PPP2R2C: variants seen among roughly 807,000 people sequenced by gnomAD.
PPP2R2C encodes the protein protein phosphatase 2, regulatory subunit B, gamma.
In PPP2R2C, 10 loss-of-function variants were observed where a neutral mutation model predicts 45.3. That is an observed-to-expected ratio of 0.22 (90% CI 0.14 to 0.37). The LOEUF is 0.37. Ranked by LOEUF, PPP2R2C falls within the 10% of genes least tolerant of loss-of-function variation. PPP2R2C has a pLI of 1.00. For synonymous variants in PPP2R2C, 257 were observed against 245.4 expected (o/e 1.05, Z -0.44); for missense variants, 308 against 619.7 (o/e 0.50, Z 5.34).
chr4:6,458,471 A>C (rs977426004), intron 1 of PPP2R2C, among the ~76,000 whole-genome samples: 14 of 152,164 alleles, frequency 9.2e-5, no homozygotes, highest in African/African-American at 3.4e-4. Flanking sequence ...TTATAAGGGC[A>C]CTAATCCCAC....
At chr4:6,418,631 C>T (rs1351571734) in intron 1 of PPP2R2C, among the ~76,000 whole-genome samples, 2 of 152,232 alleles carry the variant, frequency 1.3e-5, no homozygotes, top group Non-Finnish European at 2.9e-5. Flanking sequence ...CTTCCCAAGC[C>T]ATCAGTCCCT....
intron 1 of PPP2R2C, chr4:6,383,650 A>C (rs1169829973): frequency 2.0e-6 from 1 of 511,196 alleles, no homozygotes; most frequent in Non-Finnish European, 3.0e-6. Context: ...CAGCACCCTC[A>C]TACAGGACAC....
Position 6,328,379 on chromosome 4 carries a change from A to G in PPP2R2C, c.1052+883T>C, listed in dbSNP as rs1732124277. Among the ~76,000 whole-genome samples, 1 of 152,202 alleles carries G rather than the reference A, an allele frequency of 6.6e-6. No homozygotes were observed. The highest frequency in any genetic ancestry group is 6.5e-5 in the Admixed American group (1 of 15,280). Reference sequence around the variant, plus strand: ...ATCCTGTCCTTGAGGAAGCAGCTGTAGGAGACACTGAGAGGCCACCTCTCA... The same window carrying G: ...ATCCTGTCCTTGAGGAAGCAGCTGTGGGAGACACTGAGAGGCCACCTCTCA... On this transcript the variant is annotated intron_variant, in intron 8 of 8. Transcript: ENST00000382599. This position sits in a 1 kb window ranked among gnomAD's most constrained non-coding sequence, Gnocchi z 4.4.
At chr4:6,361,194 G>C (rs1209370217) in intron 5 of PPP2R2C, among the ~76,000 whole-genome samples, 2 of 152,138 alleles carry the variant, frequency 1.3e-5, no homozygotes, top group Non-Finnish European at 2.9e-5. Context: ...TCAGGGAGCA[G>C]AACCCAGCTT....
In PPP2R2C at chr4:6,414,070, CTGTGTATGTGTGTG is replaced by C. The variant is rs1176134158; in HGVS notation, c.71-32990_71-32977del. 4.3e-4 allele frequency: 512 copies of C among 1,202,524 alleles called. 14 individuals are homozygous for C. The Middle Eastern group carries it at 5.1e-3, about 12-fold the overall frequency. 74.5% of individuals were successfully genotyped at this position (1,202,524 alleles called of 1,614,324 possible). On this transcript the variant is annotated intron_variant, in intron 1 of 8. Transcript: ENST00000382599. ...CATGGGACAGTAACATAAGTTTTGCCTGTGTATGTGTGTGTGTGTGTGTGTGTGTGTGTGTGTGT... is the reference window on the plus strand; with the variant it reads ...CATGGGACAGTAACATAAGTTTTGCCTGTGTGTGTGTGTGTGTGTGTGTGT...
At chr4:6,392,467 G>T (rs1383924792) in intron 1 of PPP2R2C, among the ~76,000 whole-genome samples, 3 of 152,182 alleles carry the variant, frequency 2.0e-5, no homozygotes, top group Non-Finnish European at 4.4e-5. Context: ...TTTAGCTGGG[G>T]AGGCCAGGGA....
intron 6 of PPP2R2C, 60 bp from the exon 7 acceptor site, chr4:6,333,791 G>C: frequency 6.3e-7 from 1 of 1,580,454 alleles, no homozygotes; most frequent in East Asian, 2.2e-5. Context: ...GGGTTGGCAC[G>C]ACGGATGACT....
At chr4:6,375,681 C>A (rs1231492055) in intron 4 of PPP2R2C, 138 bp downstream of exon 4, 4 of 679,096 alleles carry the variant, frequency 5.9e-6, no homozygotes, top group Non-Finnish European at 1.0e-5. Context: ...CAGGAAGACG[C>A]CCGTGGCCGC....
chr4:6,556,325 C>CTCTG lies in PPP2R2C; in HGVS notation c.-59+7231_-59+7234dup, dbSNP rs1392588725. Among the ~76,000 whole-genome samples the CTCTG allele has an allele frequency of 4.6e-5, 7 of 152,256 alleles. No individual in the cohort carries two copies. The East Asian group carries it at 1.4e-3, about 29-fold the overall frequency. ...GGCAGGAGAAGGGAGAATTCACTCTCTCTGTCTGTCTGCTGGAGCTGGGAC... is the reference window on the plus strand; with the variant it reads ...GGCAGGAGAAGGGAGAATTCACTCTCTCTGTCTGTCTGTCTGCTGGAGCTGGGAC... On this transcript the variant is annotated intron_variant, in intron 1 of 9. Transcript: ENST00000506140.
chr4:6,476,809 T>C (rs1178149611), upstream of PPP2R2C, among the ~76,000 whole-genome samples: 1 of 152,228 alleles, frequency 6.6e-6, no homozygotes, highest in Non-Finnish European at 1.5e-5. Context: ...TTTATATATA[T>C]GTAACTGTAA....
At chr4:6,415,361 T>C (rs995018852) in intron 1 of PPP2R2C, among the ~76,000 whole-genome samples, 2 of 152,244 alleles carry the variant, frequency 1.3e-5, no homozygotes, top group South Asian at 2.1e-4. Context: ...AAATTTATGC[T>C]TGCTTCACTG....
upstream of PPP2R2C, among the ~76,000 whole-genome samples, chr4:6,476,200 A>G (rs1454079520): frequency 6.6e-6 from 1 of 152,184 alleles, no homozygotes; most frequent in East Asian, 1.9e-4. Context: ...AAGAACGACC[A>G]CAAAGTAAAC....
At chr4:6,355,993 GAAAAAAAAAAA>G (rs61011461) in intron 5 of PPP2R2C, among the ~76,000 whole-genome samples, 1 of 97,904 alleles carries the variant, frequency 1.0e-5, no homozygotes, top group African/African-American at 3.5e-5. Context: ...ACTCTGCCTG[GAAAAAAAAAAA>G]AAAAAAAAAA....
At chr4:6,532,986 G>A (rs905823879) in intron 2 of PPP2R2C, among the ~76,000 whole-genome samples, 15 of 152,216 alleles carry the variant, frequency 9.9e-5, no homozygotes, top group Admixed American at 3.9e-4. Flanking sequence ...TACACAGCAC[G>A]GTGAAGCCCA....
rs534985250 is a variant in PPP2R2C, at chr4:6,330,987, G to T, written c.961-1634C>A. Among the ~76,000 whole-genome samples the T allele has an allele frequency of 6.6e-6, 1 of 152,162 alleles. No individual in the cohort carries two copies. The highest frequency in any genetic ancestry group is 2.1e-4 in the South Asian group (1 of 4,824). ...GTCTGGGACCCTCGAGGGTGAGGCCGAGGTTCTTCCTTCTCTCTGGGTCCA... is the reference window on the plus strand; with the variant it reads ...GTCTGGGACCCTCGAGGGTGAGGCCTAGGTTCTTCCTTCTCTCTGGGTCCA... On this transcript the variant is annotated intron_variant, in intron 7 of 8. Coordinates refer to ENST00000382599, the MANE Select transcript of PPP2R2C (RefSeq NM_020416.4). This position sits in a 1 kb window ranked among gnomAD's most constrained non-coding sequence, Gnocchi z 7.0.
chr4:6,384,244 T>A, intron 1 of PPP2R2C: 1 of 985,438 alleles, frequency 1.0e-6, no homozygotes, highest in Non-Finnish European at 1.2e-6. Context: ...TATTTCATAT[T>A]AAAACCCCCT....
At chr4:6,445,843 G>A (rs1720389701) in intron 1 of PPP2R2C, among the ~76,000 whole-genome samples, 1 of 152,196 alleles carries the variant, frequency 6.6e-6, no homozygotes, top group South Asian at 2.1e-4. Flanking sequence ...ATGTTCTAAG[G>A]GAGGGCTGGG....
intron 2 of PPP2R2C, among the ~76,000 whole-genome samples, chr4:6,492,821 G>A (rs1722738691): frequency 6.6e-6 from 1 of 152,180 alleles, no homozygotes; most frequent in African/African-American, 2.4e-5. Flanking sequence ...CGCTCCAAAA[G>A]GAGCAAGCCA....
intron 1 of PPP2R2C, among the ~76,000 whole-genome samples, chr4:6,468,419 G>C (rs1160556012): frequency 6.6e-6 from 1 of 152,184 alleles, no homozygotes; most frequent in Non-Finnish European, 1.5e-5. Flanking sequence ...TCCAGGGATG[G>C]GAGTTAGGAA....
Sources: gnomAD v4.1 joint callset for allele counts (sites outside exome capture counted in the v4.1 genomes callset) on GRCh38, gnomAD v4.1.1 for gene constraint, Gnocchi (gnomAD v3.1) non-coding constraint, MANE v1.5 for transcripts, NCBI Gene and HGNC (gene_info 2026-07-23, HGNC 2026-07-21) for gene names.